Variants in CAP2 observed in about 807,000 individuals in gnomAD.
CAP2 encodes adenylyl cyclase-associated protein 2.
In CAP2, 24 loss-of-function variants were observed where a neutral mutation model predicts 57.7. The observed-to-expected ratio is 0.42, with a 90% CI of 0.30 to 0.58. CAP2 has a LOEUF of 0.58. Ranked by LOEUF, CAP2 falls within the 20% of genes least tolerant of loss-of-function variation. The pLI, the probability that CAP2 is intolerant of heterozygous loss-of-function variation, is 0.22. For missense variants in CAP2, 501 were observed against 590.3 expected (o/e 0.85, Z 1.57); for synonymous variants, 194 against 207.2 (o/e 0.94, Z 0.55).
At chr6:17,399,991 G>A (rs1214270753) in intron 1 of CAP2, among the ~76,000 whole-genome samples, 3 of 152,114 alleles carry the variant, frequency 2.0e-5, no homozygotes, top group Non-Finnish European at 4.4e-5. Flanking sequence ...GGAGGCCAAG[G>A]CGGGTGATCA....
chr6:17,448,825 G>C (rs61312081), intron 3 of CAP2, among the ~76,000 whole-genome samples: 16,813 of 151,498 alleles, frequency 0.11, 3,033 homozygotes, highest in African/African-American at 0.38. Flanking sequence ...GCAGGGGTGC[G>C]ATCTCAGCTC....
chr6:17,438,743 A>G (rs1759979743), intron 3 of CAP2, among the ~76,000 whole-genome samples: 1 of 140,302 alleles, frequency 7.1e-6, no homozygotes, highest in Non-Finnish European at 1.5e-5. Flanking sequence ...CCGGCCCAGA[A>G]GTTTTTTTAT....
chr6:17,508,498 G>C (rs947349386), intron 6 of CAP2, among the ~76,000 whole-genome samples: 2 of 152,130 alleles, frequency 1.3e-5, no homozygotes, highest in African/African-American at 4.8e-5. Context: ...CTAAACAGCT[G>C]GCTAAATGTG....
At chr6:17,408,302 G>A (rs552407150) in intron 1 of CAP2, among the ~76,000 whole-genome samples, 3 of 152,122 alleles carry the variant, frequency 2.0e-5, no homozygotes, top group Non-Finnish European at 1.5e-5. Context: ...GGAGAGGAGA[G>A]GTGCCAGGCT....
intron 3 of CAP2, among the ~76,000 whole-genome samples, chr6:17,433,992 C>G (rs996307537): frequency 6.6e-6 from 1 of 152,116 alleles, no homozygotes; most frequent in Non-Finnish European, 1.5e-5. Context: ...GAAGGGCCAC[C>G]AGGCCTGACC....
chr6:17,446,952 G>C (rs1760272941), intron 3 of CAP2, among the ~76,000 whole-genome samples: 1 of 152,182 alleles, frequency 6.6e-6, no homozygotes, highest in African/African-American at 2.4e-5. Context: ...TGGTTGAGCG[G>C]TCATAGTGAG....
At chr6:17,544,560 G>C (rs1554130610) in intron 11 of CAP2, among the ~76,000 whole-genome samples, 1 of 145,810 alleles carries the variant, frequency 6.9e-6, no homozygotes, top group African/African-American at 2.5e-5. Context: ...TTTTTTTTGA[G>C]ACAGAGTCTC....
At chr6:17,444,317 T>G (rs2113567968) in intron 3 of CAP2, among the ~76,000 whole-genome samples, 1 of 152,234 alleles carries the variant, frequency 6.6e-6, no homozygotes, top group South Asian at 2.1e-4. Context: ...ACAGCTTGAA[T>G]CAAGCCAAAC....
At chr6:17,528,631 A>G (rs1762565670) in intron 7 of CAP2, among the ~76,000 whole-genome samples, 1 of 152,100 alleles carries the variant, frequency 6.6e-6, no homozygotes, top group African/African-American at 2.4e-5. Context: ...ATCTTGGGAT[A>G]AGGGTGTTTG....
intron 4 of CAP2, among the ~76,000 whole-genome samples, chr6:17,484,686 G>A (rs1761378776): frequency 2.0e-5 from 3 of 152,278 alleles, no homozygotes; most frequent in East Asian, 3.9e-4. Context: ...AGCCGGGTCC[G>A]TGCAAGCAAT....
chr6:17,411,252 A>G (rs1759135510), intron 1 of CAP2, among the ~76,000 whole-genome samples: 2 of 152,228 alleles, frequency 1.3e-5, no homozygotes, highest in South Asian at 2.1e-4. Flanking sequence ...CAGTGCTGCT[A>G]TGACATTTGT....
chr6:17,537,621 G>A (rs1220935730), intron 7 of CAP2, among the ~76,000 whole-genome samples: 1 of 152,008 alleles, frequency 6.6e-6, no homozygotes, highest in Non-Finnish European at 1.5e-5. Context: ...TTAATATTTG[G>A]CACTTACGTA....
intron 8 of CAP2, among the ~76,000 whole-genome samples, chr6:17,540,693 G>A (rs1762878626): frequency 6.6e-6 from 1 of 152,194 alleles, no homozygotes; most frequent in African/African-American, 2.4e-5. Context: ...GGCAGAGGTT[G>A]CAGTGAGCCG....
At chr6:17,425,914 G>A (rs1391102849) in intron 2 of CAP2, among the ~76,000 whole-genome samples, 1 of 152,044 alleles carries the variant, frequency 6.6e-6, no homozygotes, top group African/African-American at 2.4e-5. Flanking sequence ...GACCAATATG[G>A]TGAGACCCTG....
At chr6:17,526,888 C>T (rs552682732) in intron 7 of CAP2, among the ~76,000 whole-genome samples, 9 of 134,014 alleles carry the variant, frequency 6.7e-5, no homozygotes, top group African/African-American at 1.7e-4. Context: ...ACCCAGGAGG[C>T]GGAGATTGCA....
chr6:17,553,458 C>T (rs563319617), intron 12 of CAP2, among the ~76,000 whole-genome samples: 2 of 152,068 alleles, frequency 1.3e-5, no homozygotes, highest in Non-Finnish European at 2.9e-5. Flanking sequence ...ACAGTGAAAC[C>T]CCATCTCTAC....
intron 3 of CAP2, among the ~76,000 whole-genome samples, chr6:17,439,982 C>T (rs1166231711): frequency 1.3e-5 from 2 of 151,550 alleles, no homozygotes; most frequent in African/African-American, 4.9e-5. Flanking sequence ...ATAGGTCTTC[C>T]TATCCAGAGT....
intron 3 of CAP2, among the ~76,000 whole-genome samples, chr6:17,460,983 A>G (rs1412023642): frequency 6.6e-6 from 1 of 152,146 alleles, no homozygotes; most frequent in Non-Finnish European, 1.5e-5. Flanking sequence ...ACTTACCTCT[A>G]CTAAAAAATT....
chr6:17,556,249 T>A (rs1763311622), intron 12 of CAP2, 110 bp from the exon 13 acceptor site: 1 of 736,478 alleles, frequency 1.4e-6, no homozygotes. Flanking sequence ...CGAATTTCTT[T>A]GCCTATCATG....
Sources: allele counts gnomAD v4.1 joint callset (sites outside exome capture counted in the v4.1 genomes callset), GRCh38; gene constraint gnomAD v4.1.1; transcripts MANE v1.5; gene names NCBI Gene and HGNC (gene_info 2026-07-23, HGNC 2026-07-21).